RHOT1: variants seen among roughly 807,000 people sequenced by gnomAD.
The protein encoded by RHOT1 is ras homolog family member T1, also known as mitochondrial Rho GTPase 1.
A neutral mutation model predicts 95.3 loss-of-function variants in RHOT1; 27 were observed. The ratio of observed to expected loss-of-function variants is 0.28; its 90% CI spans 0.21 to 0.39. The LOEUF (loss-of-function observed/expected upper bound fraction) is 0.39. Among genes scored for constraint, RHOT1 ranks in the 10% least tolerant of loss-of-function variants. The pLI, the probability that RHOT1 is intolerant of heterozygous loss-of-function variation, is 1.00. For missense variants in RHOT1, 578 were observed against 786.7 expected (o/e 0.73, Z 3.17); for synonymous variants, 227 against 263.5 (o/e 0.86, Z 1.34).
Position 32,142,673 on chromosome 17 carries a change from G to T in RHOT1, c.-20G>T, listed in dbSNP as rs758139155. On this transcript the variant is annotated 5_prime_UTR_variant, in exon 1 of 20. Transcript: ENST00000545287. ...CACTCCGTGCGTGCGGGCGGAGGCC[G>T]GCCCCCGAGAGCCGCCGACATGAAG... 2.0e-6 allele frequency: 3 copies of T among 1,526,500 alleles called. No homozygotes were observed. Among genetic ancestry groups the T allele is most frequent in the Non-Finnish European group, 2.6e-6 (3 of 1,138,274 alleles). 94.6% of individuals were successfully genotyped at this position (1,526,500 alleles called of 1,614,324 possible).
intron 8 of RHOT1, among the ~76,000 whole-genome samples, chr17:32,191,469 A>G (rs2036484149): frequency 6.6e-6 from 1 of 152,210 alleles, no homozygotes; most frequent in Admixed American, 6.5e-5. Context: ...GTTGATAGTG[A>G]TTACCCTATA....
At chr17:32,209,102 A>G (rs1405848938) in intron 18 of RHOT1, 1 of 236,664 alleles carries the variant, frequency 4.2e-6, no homozygotes, top group South Asian at 1.2e-4. Flanking sequence ...CTACAGTGTA[A>G]CACAGAGTAA....
At chr17:32,222,824 AC>A (rs1200528189) in intron 19 of RHOT1, 29 of 985,094 alleles carry the variant, frequency 2.9e-5, no homozygotes, top group Non-Finnish European at 3.5e-5. Context: ...AGTATTACTC[AC>A]CAGGTGCATG....
intron 1 of RHOT1, among the ~76,000 whole-genome samples, chr17:32,146,289 G>C (rs1164439029): frequency 6.6e-6 from 1 of 152,030 alleles, no homozygotes; most frequent in South Asian, 2.1e-4. Flanking sequence ...ATCCCCAGTG[G>C]CTAGAACAGA....
At chr17:32,200,834 A>G in intron 13 of RHOT1, 122 bp from the exon 14 acceptor site, 1 of 635,064 alleles carries the variant, frequency 1.6e-6, no homozygotes, top group Non-Finnish European at 2.8e-6. Context: ...ATAGGAAATT[A>G]AAGTAGTCTA....
chr17:32,211,626 A>G (rs1265936330), intron 19 of RHOT1, among the ~76,000 whole-genome samples: 2 of 152,190 alleles, frequency 1.3e-5, no homozygotes, highest in Non-Finnish European at 2.9e-5. Context: ...CTCAGCTTAC[A>G]ATGAAATAAT....
Position 32,173,919 on chromosome 17 carries a change from A to G in RHOT1, c.178+7A>G. On this transcript the variant is annotated splice_region_variant and intron_variant, in intron 3 of 19. Transcript: ENST00000545287. Reference sequence around the variant, plus strand: ...CACATTGTAGATTACTCAGGTAATGAATATCCTCTTGTAGATGAAGGTGTA... The same window carrying G: ...CACATTGTAGATTACTCAGGTAATGGATATCCTCTTGTAGATGAAGGTGTA... 6 of 1,569,542 alleles carry G rather than the reference A, an allele frequency of 3.8e-6. No homozygotes were observed. Among genetic ancestry groups the G allele is most frequent in the Non-Finnish European group, 5.3e-6 (6 of 1,142,748 alleles).
At chr17:32,181,582 A>G (rs560628195) in intron 6 of RHOT1, among the ~76,000 whole-genome samples, 1 of 152,224 alleles carries the variant, frequency 6.6e-6, no homozygotes, top group African/African-American at 2.4e-5. Context: ...AAAATGTAAC[A>G]TATACTGAGG....
intron 6 of RHOT1, among the ~76,000 whole-genome samples, chr17:32,178,691 G>A (rs1014286957): frequency 2.9e-5 from 4 of 139,762 alleles, no homozygotes; most frequent in Admixed American, 1.4e-4. Flanking sequence ...CGGCTGCCCC[G>A]AATGGGATGT....
At chr17:32,210,716 T>C (rs1223676111) in intron 18 of RHOT1, among the ~76,000 whole-genome samples, 1 of 152,134 alleles carries the variant, frequency 6.6e-6, no homozygotes, top group Non-Finnish European at 1.5e-5. Context: ...GAGGGAATCG[T>C]TATTTAAACG....
chr17:32,145,732 G>A (rs1352245120), intron 1 of RHOT1, among the ~76,000 whole-genome samples: 1 of 152,050 alleles, frequency 6.6e-6, no homozygotes, highest in African/African-American at 2.4e-5. Context: ...ATCATCTAAT[G>A]AGCCAGGTGT....
At chr17:32,165,851 G>T (rs1221822121) in intron 1 of RHOT1, among the ~76,000 whole-genome samples, 2 of 152,028 alleles carry the variant, frequency 1.3e-5, no homozygotes, top group Non-Finnish European at 1.5e-5. Flanking sequence ...CCACAGTAAA[G>T]TGGCTCACAA....
At chr17:32,196,604 A>G (rs16967129) in intron 11 of RHOT1, among the ~76,000 whole-genome samples, 4,884 of 152,114 alleles carry the variant, frequency 0.032, 263 homozygotes, top group African/African-American at 0.11. Context: ...TTGTCCACCA[A>G]GCATATGTTC....
At chr17:32,188,977 G>A (rs1362365167) in intron 8 of RHOT1, among the ~76,000 whole-genome samples, 2 of 152,058 alleles carry the variant, frequency 1.3e-5, no homozygotes, top group African/African-American at 2.4e-5. Context: ...TTACCTCATC[G>A]TAATAGTCAC....
intron 18 of RHOT1, among the ~76,000 whole-genome samples, 200 bp from the exon 19 acceptor site, chr17:32,210,916 A>AG (rs1359339486): frequency 6.6e-6 from 1 of 152,144 alleles, no homozygotes; most frequent in Non-Finnish European, 1.5e-5. Flanking sequence ...ACAGGGAGGG[A>AG]GGAGGAAGCT....
At chr17:32,149,425 CATT>C (rs2031874861) in intron 1 of RHOT1, among the ~76,000 whole-genome samples, 3 of 147,606 alleles carry the variant, frequency 2.0e-5, no homozygotes, top group Admixed American at 2.0e-4. Flanking sequence ...TCATATTTGC[CATT>C]ATTAAGATAC....
chr17:32,178,891 G>T lies in RHOT1; in HGVS notation c.329+2678G>T, dbSNP rs1454101105. The T allele has an allele frequency of 7.2e-5, 11 of 153,338 alleles. No homozygotes were observed. The South Asian group carries it at 1.1e-3, about 15-fold the overall frequency. 9.5% of individuals were successfully genotyped at this position (153,338 alleles called of 1,614,324 possible). On this transcript the variant is annotated intron_variant, in intron 6 of 19. Transcript: ENST00000545287. ...GCCCGGCCGCCACCCCATCTGGGAA[G>T]TGAGGAGTGCCTCTGCCCGGCCGCC...
At chr17:32,170,513 G>A (rs1043061205) in intron 1 of RHOT1, among the ~76,000 whole-genome samples, 8 of 152,182 alleles carry the variant, frequency 5.3e-5, no homozygotes, top group African/African-American at 1.9e-4. Flanking sequence ...TATTTTAACT[G>A]TAAGTATACA....
intron 1 of RHOT1, chr17:32,150,822 G>A: frequency 6.5e-7 from 1 of 1,532,198 alleles, no homozygotes; most frequent in Middle Eastern, 1.7e-4. Context: ...AATTGGAAGG[G>A]TCTAAGAGCT....
Sources: allele counts gnomAD v4.1 joint callset (sites outside exome capture counted in the v4.1 genomes callset), GRCh38; gene constraint gnomAD v4.1.1; transcripts MANE v1.5; gene names NCBI Gene and HGNC (gene_info 2026-07-23, HGNC 2026-07-21).